PBX1: variants seen among roughly 807,000 people sequenced by gnomAD.
PBX1 encodes pre-B-cell leukemia transcription factor 1.
Under a neutral mutation model 53.4 loss-of-function variants are expected in PBX1, and 6 were observed. The ratio of observed to expected loss-of-function variants is 0.11; its 90% CI spans 0.06 to 0.22. The LOEUF (loss-of-function observed/expected upper bound fraction) is 0.22. PBX1 is among the 10% of genes least tolerant of loss of function. The pLI, the probability that PBX1 is intolerant of heterozygous loss-of-function variation, is 1.00. For missense variants in PBX1, 251 were observed against 551.4 expected (o/e 0.46, Z 5.46); for synonymous variants, 204 against 212.3 (o/e 0.96, Z 0.34).
intron 2 of PBX1, among the ~76,000 whole-genome samples, chr1:164,663,236 T>G (rs138215395): frequency 0.056 from 7,811 of 138,322 alleles, 200 homozygotes; most frequent in Admixed American, 0.098. Context: ...CTGCCTTCCT[T>G]CCTTCCTGCC....
At chr1:164,575,892 T>TG (rs1224918943) in intron 2 of PBX1, among the ~76,000 whole-genome samples, 2 of 152,114 alleles carry the variant, frequency 1.3e-5, no homozygotes, top group Non-Finnish European at 2.9e-5. Context: ...TGGGTGGTGA[T>TG]GCTGCGCGCA....
In PBX1 at chr1:164,846,962, T is replaced by A; in HGVS notation, c.*286T>A. The A allele has an allele frequency of 7.9e-7, 1 of 1,263,066 alleles. No individual in the cohort carries two copies. The highest frequency in any genetic ancestry group is 1.0e-6 in the Non-Finnish European group (1 of 998,466). 78.2% of individuals were successfully genotyped at this position (1,263,066 alleles called of 1,614,324 possible). ...CTGCCCCTGTGCCTCTGTCCTAGAC[T>A]CCCGGGGTCCCCGCCCTCTCTCATA... is the stretch of plus-strand genomic sequence containing the variant. On this transcript the variant is annotated 3_prime_UTR_variant, in exon 9 of 9. Transcript: ENST00000420696.
intron 2 of PBX1, among the ~76,000 whole-genome samples, chr1:164,729,222 A>G (rs1318254199): frequency 6.6e-6 from 1 of 152,214 alleles, no homozygotes; most frequent in Non-Finnish European, 1.5e-5. Context: ...TTAATCTTAG[A>G]CTGCCTGCAT....
chr1:164,604,648 A>G (rs1309148029), intron 2 of PBX1, among the ~76,000 whole-genome samples: 1 of 152,204 alleles, frequency 6.6e-6, no homozygotes, highest in East Asian at 1.9e-4. Context: ...GTAATAAATA[A>G]CTTATCAAAA....
At chr1:164,681,897 T>C (rs1248177830) in intron 2 of PBX1, among the ~76,000 whole-genome samples, 2 of 152,220 alleles carry the variant, frequency 1.3e-5, no homozygotes, top group East Asian at 3.8e-4. Context: ...AACTCAAATT[T>C]GCCTTTGTCT....
At position 164,843,690 on chromosome 1, in the gene PBX1, T is replaced by G. The variant is rs574592494; in HGVS notation, c.1201-2894T>G. Among the ~76,000 whole-genome samples the G allele has an allele frequency of 3.5e-4, 53 of 152,292 alleles. 1 individual carries two copies. The highest frequency in any genetic ancestry group is 1.2e-3 in the African/African-American group (51 of 41,564). The stretch of plus-strand genomic sequence containing the variant: ...ATTAGCTTGAAATAATTCCTATTTC[T>G]CCCATCTGTGGGTTCTCTATACCCC... On this transcript the variant is annotated intron_variant, in intron 8 of 8. Coordinates refer to ENST00000420696, the MANE Select transcript of PBX1 (RefSeq NM_002585.4).
chr1:164,811,934 C>T lies in PBX1; in HGVS notation c.838-56C>T. On this transcript the variant is annotated intron_variant, in intron 5 of 8. Coordinates refer to ENST00000420696, the MANE Select transcript of PBX1 (RefSeq NM_002585.4). ...CCCATAAAGCCTTTTTTTTCTTCTG[C>T]AATGTTTCTGAAGGATGAAATGTGA... 6 of 1,471,144 alleles carry T rather than the reference C, an allele frequency of 4.1e-6. No individual in the cohort carries two copies. In the Admixed American group the frequency reaches 6.1e-5, roughly 15 times the overall value. 91.1% of individuals were successfully genotyped at this position (1,471,144 alleles called of 1,614,324 possible).
At chr1:164,764,885 A>G (rs888927800) in intron 2 of PBX1, among the ~76,000 whole-genome samples, 4 of 152,194 alleles carry the variant, frequency 2.6e-5, no homozygotes, top group African/African-American at 4.8e-5. Context: ...AACATTTGCA[A>G]TGACTTCCAA....
intron 2 of PBX1, among the ~76,000 whole-genome samples, chr1:164,671,424 T>C (rs1661104545): frequency 6.6e-6 from 1 of 152,212 alleles, no homozygotes; most frequent in Admixed American, 6.5e-5. Flanking sequence ...ACATTAAAGA[T>C]GGGCAAACTT....
intron 2 of PBX1, among the ~76,000 whole-genome samples, chr1:164,626,251 C>G (rs1220025911): frequency 6.6e-6 from 1 of 152,180 alleles, no homozygotes; most frequent in African/African-American, 2.4e-5. Flanking sequence ...ATTTGGAAAT[C>G]CTGGGAAAAC....
chr1:164,730,644 A>G (rs1035458650), intron 2 of PBX1, among the ~76,000 whole-genome samples: 2 of 152,140 alleles, frequency 1.3e-5, no homozygotes, highest in Non-Finnish European at 2.9e-5. Flanking sequence ...TTTAGCTAGC[A>G]CAGCTAAACT....
intron 2 of PBX1, among the ~76,000 whole-genome samples, chr1:164,569,207 G>A (rs190837282): frequency 1.3e-5 from 2 of 152,326 alleles, no homozygotes; most frequent in Admixed American, 1.3e-4. Context: ...TTTAAAGCCA[G>A]ACTCTCTGAG....
At position 164,846,863 on chromosome 1, in the gene PBX1, C is replaced by T; in HGVS notation, c.*187C>T. ...GCCAATCTGGACACTTCTTTATACT[C>T]TCTTCCCTTTTTTTTCTGGGTAGAA... is the stretch of plus-strand genomic sequence containing the variant. On this transcript the variant is annotated 3_prime_UTR_variant, in exon 9 of 9. Coordinates refer to ENST00000420696, the MANE Select transcript of PBX1 (RefSeq NM_002585.4). The T allele has an allele frequency of 1.4e-6, 2 of 1,410,866 alleles. No homozygotes were observed. The highest frequency in any genetic ancestry group is 1.8e-6 in the Non-Finnish European group (2 of 1,084,030). The allele number at this position is 1,410,866 out of a possible 1,614,324, so 87.4% of individuals were successfully genotyped here. A position where few individuals can be genotyped will look rare whatever the true frequency, so the allele number is the denominator to read the frequency against.
At chr1:164,746,661 G>A (rs1665911639) in intron 2 of PBX1, among the ~76,000 whole-genome samples, 2 of 152,180 alleles carry the variant, frequency 1.3e-5, no homozygotes, top group Non-Finnish European at 2.9e-5. Context: ...ACCCGCCTCA[G>A]CCTCCCAAAG....
chr1:164,603,929 A>ATTTCATTTTTTTT (rs1656369037), intron 2 of PBX1, among the ~76,000 whole-genome samples: 2 of 75,742 alleles, frequency 2.6e-5, no homozygotes, highest in African/African-American at 1.2e-4. Flanking sequence ...ATGTCATTTC[A>ATTTCATTTTTTTT]TTTTTTTTTT....
chr1:164,792,713 A>G lies in PBX1; in HGVS notation c.485A>G (p.His162Arg). Residue 162 changes from histidine (H) to arginine (R), a missense_variant, in exon 3 of 9, where the codon CAT (histidine) becomes CGT (arginine). This residue lies in a region of PBX1 where 76 missense variants were observed against 197.5 expected (regional missense o/e 0.38). Transcript: ENST00000420696. ...AKLSQIRQIY[H>R]TELEKYEQAC... ...CTCTCACAGATCAGACAAATCTACC[A>G]TACGGAGCTGGAGAAATACGAGCAG... 6.2e-7 allele frequency: 1 copy of G among 1,611,286 alleles called. No homozygotes were observed. The highest frequency in any genetic ancestry group is 8.5e-7 in the Non-Finnish European group (1 of 1,178,054).
At chr1:164,836,605 C>G (rs1671052297) in intron 8 of PBX1, among the ~76,000 whole-genome samples, 1 of 152,134 alleles carries the variant, frequency 6.6e-6, no homozygotes, top group South Asian at 2.1e-4. Context: ...ACAATGGATA[C>G]TAGCACTCCG....
intron 8 of PBX1, among the ~76,000 whole-genome samples, chr1:164,822,266 C>T (rs578144387): frequency 6.6e-6 from 1 of 150,812 alleles, no homozygotes; most frequent in East Asian, 2.0e-4. Flanking sequence ...AACTTGATTT[C>T]TCAGATCAAT....
At chr1:164,582,508 T>G (rs1268746364) in intron 2 of PBX1, among the ~76,000 whole-genome samples, 1 of 151,732 alleles carries the variant, frequency 6.6e-6, no homozygotes, top group African/African-American at 2.4e-5. Flanking sequence ...CTGCAACCTC[T>G]GCCTCCTGGG....
Sources: allele counts gnomAD v4.1 joint callset (sites outside exome capture counted in the v4.1 genomes callset), GRCh38; gene constraint gnomAD v4.1.1; regional missense constraint gnomAD v4.1.1; transcripts MANE v1.5; gene names NCBI Gene and HGNC (gene_info 2026-07-23, HGNC 2026-07-21).